Variants in CEP112 observed in about 807,000 individuals in gnomAD.
The protein encoded by CEP112 is centrosomal protein 112, also known as centrosomal protein of 112 kDa.
In CEP112, 127 loss-of-function variants were observed where a neutral mutation model predicts 153.0. The observed-to-expected ratio is 0.83, with a 90% CI of 0.72 to 0.96. CEP112 has a LOEUF of 0.96. Among genes scored for constraint, CEP112 ranks in the 40% least tolerant of loss-of-function variants. The probability of loss-of-function intolerance (pLI) is 0.00; values close to 1 mark genes in which losing one functional copy is unlikely to be tolerated. For missense variants in CEP112, 1,089 were observed against 1,101.2 expected, an observed-to-expected ratio of 0.99 and a Z score of 0.16; for synonymous variants, 358 against 374.4, an observed-to-expected ratio of 0.96 and a Z score of 0.51.
chr17:65,788,821 C>A (rs1290272193), intron 21 of CEP112, among the ~76,000 whole-genome samples: 1 of 152,124 alleles, frequency 6.6e-6, no homozygotes, highest in African/African-American at 2.4e-5. Flanking sequence ...AAGGATCAAA[C>A]TTTGCGTTTG....
chr17:66,017,642 G>C (rs1479038441), intron 16 of CEP112, among the ~76,000 whole-genome samples: 2 of 152,118 alleles, frequency 1.3e-5, no homozygotes. Context: ...AGAAAAGTGA[G>C]AGATAATTGC....
At chr17:65,937,536 CCCGG>C (rs2061364255) in intron 18 of CEP112, among the ~76,000 whole-genome samples, 3 of 120,380 alleles carry the variant, frequency 2.5e-5, no homozygotes, top group Non-Finnish European at 1.7e-5. Flanking sequence ...AGCCCCTCTG[CCCGG>C]CCAGCCGCCC....
chr17:65,689,291 GC>G, intron 23 of CEP112, 73 bp from the exon 24 acceptor site: 1 of 1,019,316 alleles, frequency 9.8e-7, no homozygotes, highest in East Asian at 2.5e-5. Flanking sequence ...CCATGAACTG[GC>G]ACTAAAAAGG....
intron 21 of CEP112, among the ~76,000 whole-genome samples, chr17:65,812,080 T>C (rs536774586): frequency 2.0e-4 from 30 of 152,238 alleles, no homozygotes; most frequent in African/African-American, 7.2e-4. Context: ...CTCGGCTTAC[T>C]GCAAGCTCCA....
intron 21 of CEP112, among the ~76,000 whole-genome samples, chr17:65,755,334 T>A (rs1366685780): frequency 1.3e-5 from 2 of 151,930 alleles, no homozygotes; most frequent in Non-Finnish European, 2.9e-5. Flanking sequence ...AACAACCAGA[T>A]TGCATGACAA....
intron 16 of CEP112, among the ~76,000 whole-genome samples, chr17:66,011,548 A>C (rs2064527986): frequency 6.6e-6 from 1 of 151,844 alleles, no homozygotes; most frequent in African/African-American, 2.4e-5. Flanking sequence ...TCTTAGTATT[A>C]ATTTCTATTT....
At chr17:66,168,327 C>G (rs1384382022) in intron 4 of CEP112, among the ~76,000 whole-genome samples, 1 of 151,858 alleles carries the variant, frequency 6.6e-6, no homozygotes, top group South Asian at 2.1e-4. Context: ...GCTTCCTATA[C>G]TTTATGTACT....
At chr17:65,701,171 G>A (rs1429608491) in intron 23 of CEP112, among the ~76,000 whole-genome samples, 1 of 152,176 alleles carries the variant, frequency 6.6e-6, no homozygotes. Flanking sequence ...GAAATGATGG[G>A]CCCGGGGGAA....
rs1568313913 is a variant in CEP112, at chr17:65,970,402, A to ATGTATATTACATGCG, written c.1737-8805_1737-8804insCGCATGTAATATACA. Among the ~76,000 whole-genome samples the ATGTATATTACATGCG allele has an allele frequency of 2.4e-5, 3 of 124,050 alleles. 1 individual carries two copies. The highest frequency in any genetic ancestry group is 8.8e-5 in the African/African-American group (3 of 34,162). 81.4% of individuals were successfully genotyped at this position (124,050 alleles called of 152,430 possible). A position where few individuals can be genotyped will look rare whatever the true frequency, so the allele number is the denominator to read the frequency against. Reference sequence around the variant, plus strand: ...TCATGCATATATATTACATGCATGCACACATCATGCATGTATATTACATGC... The same window carrying ATGTATATTACATGCG: ...TCATGCATATATATTACATGCATGCATGTATATTACATGCGCACATCATGCATGTATATTACATGC... On this transcript the variant is annotated intron_variant, in intron 17 of 26. Coordinates refer to ENST00000535342, the MANE Select transcript of CEP112 (RefSeq NM_001199165.4).
chr17:65,968,226 G>A (rs1166013476), intron 17 of CEP112, among the ~76,000 whole-genome samples: 1 of 152,034 alleles, frequency 6.6e-6, no homozygotes, highest in African/African-American at 2.4e-5. Context: ...AGAATGATAA[G>A]TAAACCAAAG....
At chr17:65,955,125 T>C (rs2061959983) in intron 18 of CEP112, among the ~76,000 whole-genome samples, 1 of 152,110 alleles carries the variant, frequency 6.6e-6, no homozygotes, top group Non-Finnish European at 1.5e-5. Flanking sequence ...AAGTATCAGG[T>C]AGCCTAGAAA....
intron 21 of CEP112, among the ~76,000 whole-genome samples, chr17:65,837,219 C>T (rs866442913): frequency 8.0e-4 from 122 of 152,246 alleles, no homozygotes; most frequent in African/African-American, 2.7e-3. Context: ...TCTGCCCGGC[C>T]GCCACCCCGT....
chr17:65,642,755 C>G (rs963206211), intron 24 of CEP112, among the ~76,000 whole-genome samples: 2 of 152,096 alleles, frequency 1.3e-5, no homozygotes, highest in African/African-American at 2.4e-5. Context: ...CAAAGCAAAA[C>G]GCATGCTTTA....
At chr17:65,761,919 G>A (rs1400670921) in intron 21 of CEP112, among the ~76,000 whole-genome samples, 1 of 152,040 alleles carries the variant, frequency 6.6e-6, no homozygotes, top group Non-Finnish European at 1.5e-5. Context: ...GATTGATGGT[G>A]TTGTTGAATT....
At chr17:65,860,147 A>G (rs927334053) in intron 20 of CEP112, among the ~76,000 whole-genome samples, 1 of 152,172 alleles carries the variant, frequency 6.6e-6, no homozygotes, top group Non-Finnish European at 1.5e-5. Flanking sequence ...ATCAATGTTC[A>G]AAAAGCAACT....
intron 24 of CEP112, among the ~76,000 whole-genome samples, chr17:65,662,003 C>G (rs948693338): frequency 9.9e-5 from 15 of 152,142 alleles, no homozygotes; most frequent in African/African-American, 3.6e-4. Context: ...GGGTCTCACT[C>G]TGTCACCCAG....
intron 19 of CEP112, among the ~76,000 whole-genome samples, chr17:65,923,984 T>C (rs1275346254): frequency 6.6e-6 from 1 of 152,154 alleles, no homozygotes. Context: ...ATTATTTATT[T>C]ATTTATTTTT....
intron 8 of CEP112, among the ~76,000 whole-genome samples, chr17:66,071,259 G>C (rs1040999603): frequency 6.6e-6 from 1 of 151,958 alleles, no homozygotes; most frequent in Non-Finnish European, 1.5e-5. Context: ...GGTGGAGAAA[G>C]AGACAGTTAA....
At chr17:65,958,416 T>C (rs990897216) in intron 18 of CEP112, among the ~76,000 whole-genome samples, 7 of 152,184 alleles carry the variant, frequency 4.6e-5, no homozygotes, top group African/African-American at 1.4e-4. Context: ...TACCATACCA[T>C]AGCTGTGGAT....
Sources: allele counts gnomAD v4.1 joint callset (sites outside exome capture counted in the v4.1 genomes callset), GRCh38; gene constraint gnomAD v4.1.1; transcripts MANE v1.5; gene names NCBI Gene and HGNC (gene_info 2026-07-23, HGNC 2026-07-21).